SLC39A11: variants seen among roughly 807,000 people sequenced by gnomAD.
The protein encoded by SLC39A11 is zinc transporter ZIP11.
A neutral mutation model predicts 36.1 loss-of-function variants in SLC39A11; 33 were observed. The ratio of observed to expected loss-of-function variants is 0.91; its 90% CI spans 0.69 to 1.22. SLC39A11 has a LOEUF of 1.22. SLC39A11 is among the 50% of genes most tolerant of loss of function. SLC39A11 has a pLI of 0.00. For missense variants in SLC39A11, 432 were observed against 430.3 expected (o/e 1.00, Z -0.03); for synonymous variants, 166 against 170.3 (o/e 0.97, Z 0.20).
chr17:72,893,929 C>T (rs911110429), intron 5 of SLC39A11, among the ~76,000 whole-genome samples: 3 of 152,062 alleles, frequency 2.0e-5, no homozygotes, highest in Non-Finnish European at 2.9e-5. Flanking sequence ...ATATACCAGG[C>T]CCTGTTTGTA....
At chr17:72,693,180 C>G (rs2072110941) in intron 7 of SLC39A11, among the ~76,000 whole-genome samples, 1 of 152,236 alleles carries the variant, frequency 6.6e-6, no homozygotes, top group Admixed American at 6.5e-5. Context: ...GCTGAGCCCT[C>G]ATGAAGACAT....
intron 3 of SLC39A11, among the ~76,000 whole-genome samples, chr17:73,055,524 C>T (rs534186877): frequency 2.0e-5 from 3 of 151,864 alleles, no homozygotes; most frequent in East Asian, 1.9e-4. Context: ...CTCAACCTCC[C>T]GGGCTCAAGC....
At chr17:72,729,584 CA>C (rs1435136236) in intron 7 of SLC39A11, among the ~76,000 whole-genome samples, 2 of 147,048 alleles carry the variant, frequency 1.4e-5, no homozygotes, top group East Asian at 4.0e-4. Flanking sequence ...AGGCATGAGC[CA>C]CTGCAACCAG....
intron 6 of SLC39A11, among the ~76,000 whole-genome samples, chr17:72,751,744 AT>A (rs1400747453): frequency 2.0e-5 from 3 of 152,082 alleles, no homozygotes; most frequent in Non-Finnish European, 2.9e-5. Context: ...TGCCCGGCTA[AT>A]TTTGTAATTT....
chr17:72,877,349 C>T (rs181061955), intron 5 of SLC39A11, among the ~76,000 whole-genome samples: 2 of 152,324 alleles, frequency 1.3e-5, no homozygotes, highest in East Asian at 3.9e-4. Context: ...AATAGTAATT[C>T]ACAAGGCAAA....
At chr17:72,718,250 C>T (rs983581079) in intron 7 of SLC39A11, among the ~76,000 whole-genome samples, 1 of 152,148 alleles carries the variant, frequency 6.6e-6, no homozygotes, top group East Asian at 1.9e-4. Context: ...GAGTTTGAGA[C>T]CTGGTGAAAC....
intron 5 of SLC39A11, among the ~76,000 whole-genome samples, chr17:72,865,984 A>G (rs909097700): frequency 5.3e-5 from 8 of 152,220 alleles, no homozygotes; most frequent in African/African-American, 1.9e-4. Context: ...AGAGAGAGGA[A>G]GAGATGGACA....
intron 2 of SLC39A11, 115 bp downstream of exon 2, chr17:73,088,541 CT>C (rs2060816329): frequency 6.6e-6 from 5 of 754,278 alleles, no homozygotes; most frequent in Non-Finnish European, 1.1e-5. Flanking sequence ...TACACAATGC[CT>C]GGGGGTGTGG....
intron 5 of SLC39A11, among the ~76,000 whole-genome samples, chr17:72,947,367 A>G (rs1391487920): frequency 6.6e-6 from 1 of 152,008 alleles, no homozygotes; most frequent in African/African-American, 2.4e-5. Context: ...AAAAGATGTA[A>G]ATTACAACAC....
chr17:72,923,520 A>G (rs2083829232), intron 5 of SLC39A11, among the ~76,000 whole-genome samples: 1 of 152,206 alleles, frequency 6.6e-6, no homozygotes, highest in Admixed American at 6.5e-5. Context: ...CTGGGCAGTG[A>G]AAGGTATGGA....
chr17:72,857,666 A>G (rs763387314), intron 5 of SLC39A11, among the ~76,000 whole-genome samples: 1 of 152,148 alleles, frequency 6.6e-6, no homozygotes, highest in Non-Finnish European at 1.5e-5. Context: ...TGACTTTTTA[A>G]TAATAGCCAT....
At chr17:72,719,084 C>CAA (rs34226537) in intron 7 of SLC39A11, among the ~76,000 whole-genome samples, 2 of 145,876 alleles carry the variant, frequency 1.4e-5, no homozygotes, top group African/African-American at 2.5e-5. Flanking sequence ...ACTAAAAATA[C>CAA]AAAAAAAAAA....
chr17:72,778,703 G>T (rs1030077425), intron 6 of SLC39A11, among the ~76,000 whole-genome samples: 1 of 152,204 alleles, frequency 6.6e-6, no homozygotes, highest in Admixed American at 6.5e-5. Flanking sequence ...TATGGTCATT[G>T]ATTTTATGTC....
At chr17:72,697,173 C>T (rs751467991) in intron 7 of SLC39A11, among the ~76,000 whole-genome samples, 3 of 152,170 alleles carry the variant, frequency 2.0e-5, no homozygotes, top group Non-Finnish European at 4.4e-5. Flanking sequence ...ACCTGGAACT[C>T]GAGAGATCAG....
intron 5 of SLC39A11, among the ~76,000 whole-genome samples, chr17:72,884,969 C>T (rs2081376467): frequency 6.6e-6 from 1 of 152,180 alleles, no homozygotes; most frequent in Admixed American, 6.5e-5. Context: ...ACTTAACTTT[C>T]TTCAGATTTA....
intron 4 of SLC39A11, among the ~76,000 whole-genome samples, chr17:73,004,207 GAAA>G (rs2090028427): frequency 7.9e-6 from 1 of 126,760 alleles, no homozygotes; most frequent in African/African-American, 2.9e-5. Flanking sequence ...AAGAAAGAAA[GAAA>G]GAAAGAAAGA....
At chr17:72,922,960 C>CAAAAAAAAAA (rs10645750) in intron 5 of SLC39A11, among the ~76,000 whole-genome samples, 2 of 44,078 alleles carry the variant, frequency 4.5e-5, no homozygotes, top group East Asian at 5.2e-4. Context: ...GACTCCTTCT[C>CAAAAAAAAAA]AAAAAAAAAA....
At chr17:72,900,993 CG>C (rs1471458167) in intron 5 of SLC39A11, among the ~76,000 whole-genome samples, 392 of 150,174 alleles carry the variant, frequency 2.6e-3, no homozygotes, top group African/African-American at 7.0e-3. Flanking sequence ...AAAAAAAACA[CG>C]AAAAAAAAAC....
At chr17:72,829,262 G>C (rs182544629) in intron 6 of SLC39A11, among the ~76,000 whole-genome samples, 1 of 151,748 alleles carries the variant, frequency 6.6e-6, no homozygotes, top group Non-Finnish European at 1.5e-5. Flanking sequence ...GCAGCAGGAG[G>C]ATCACTTGGG....
Sources: allele counts gnomAD v4.1 joint callset (sites outside exome capture counted in the v4.1 genomes callset), GRCh38; gene constraint gnomAD v4.1.1; transcripts MANE v1.5; gene names NCBI Gene and HGNC (gene_info 2026-07-23, HGNC 2026-07-21).